Variants in THSD4 observed in about 807,000 individuals in gnomAD.
THSD4 encodes thrombospondin type-1 domain-containing protein 4.
A neutral mutation model predicts 119.0 loss-of-function variants in THSD4; 69 were observed. The ratio of observed to expected loss-of-function variants is 0.58; its 90% CI spans 0.48 to 0.71. THSD4 has a LOEUF of 0.71. Among genes scored for constraint, THSD4 ranks in the 30% least tolerant of loss-of-function variants. THSD4 has a pLI of 0.00. For missense variants in THSD4, 1,393 were observed against 1,391.1 expected, an observed-to-expected ratio of 1.00 and a Z score of -0.02; for synonymous variants, 524 against 540.4, an observed-to-expected ratio of 0.97 and a Z score of 0.42.
chr15:71,735,148 C>G (rs2053057974), intron 10 of THSD4, among the ~76,000 whole-genome samples: 1 of 152,284 alleles, frequency 6.6e-6, no homozygotes, highest in Non-Finnish European at 1.5e-5. Flanking sequence ...GATCTAGAGT[C>G]TTAGACAAGC....
rs558282140 is a variant in THSD4, at chr15:71,482,392, G to A, written c.1152+70569G>A. Among the ~76,000 whole-genome samples the A allele has an allele frequency of 5.8e-4, 88 of 150,686 alleles. 2 individuals carry two copies. The highest frequency in any genetic ancestry group is 1.9e-3 in the African/African-American group (76 of 40,982). On this transcript the variant is annotated intron_variant, in intron 7 of 17. Transcript: ENST00000261862. Reference sequence around the variant, plus strand: ...TGCAAGCTCCGCCTCCTGGGTTCACGCCATTCTCCTGCCTCAGCCTCCCGA... The same window carrying A: ...TGCAAGCTCCGCCTCCTGGGTTCACACCATTCTCCTGCCTCAGCCTCCCGA...
At chr15:71,581,010 T>C (rs2140847431) in intron 7 of THSD4, among the ~76,000 whole-genome samples, 1 of 152,266 alleles carries the variant, frequency 6.6e-6, no homozygotes, top group South Asian at 2.1e-4. Flanking sequence ...TGAATAATGC[T>C]GAAATGAACA....
intron 7 of THSD4, among the ~76,000 whole-genome samples, chr15:71,633,269 C>CTTTTTTTTTTTTTTTTTTTTT (rs67682951): frequency 1.6e-5 from 1 of 63,158 alleles, no homozygotes; most frequent in Non-Finnish European, 3.0e-5. Flanking sequence ...TTCTTTCTTT[C>CTTTTTTTTTTTTTTTTTTTTT]TTTTTTTTTT....
intron 7 of THSD4, among the ~76,000 whole-genome samples, chr15:71,615,015 T>A (rs2050297202): frequency 6.6e-6 from 1 of 152,190 alleles, no homozygotes; most frequent in Non-Finnish European, 1.5e-5. Context: ...ACCCTCTCTA[T>A]CAAACTACTG....
At chr15:71,736,703 T>C (rs1348717934) in intron 10 of THSD4, among the ~76,000 whole-genome samples, 1 of 152,168 alleles carries the variant, frequency 6.6e-6, no homozygotes, top group Non-Finnish European at 1.5e-5. Flanking sequence ...TCTCTCAAAA[T>C]GTGCCCTCCT....
chr15:71,447,201 A>G (rs935218574), intron 7 of THSD4, among the ~76,000 whole-genome samples: 2 of 140,820 alleles, frequency 1.4e-5, no homozygotes, highest in East Asian at 2.2e-4. Context: ...GCTCACTGCA[A>G]TCTCCACCTC....
At chr15:71,291,231 T>C (rs1037811572) in intron 6 of THSD4, among the ~76,000 whole-genome samples, 1 of 152,344 alleles carries the variant, frequency 6.6e-6, no homozygotes, top group African/African-American at 2.4e-5. Context: ...TTCTTTCATA[T>C]GTTATCACAT....
intron 7 of THSD4, among the ~76,000 whole-genome samples, chr15:71,442,826 A>G (rs1483316842): frequency 6.7e-6 from 1 of 149,932 alleles, no homozygotes; most frequent in Non-Finnish European, 1.5e-5. Flanking sequence ...TTCTTCCCTT[A>G]TGTACCCACA....
intron 6 of THSD4, among the ~76,000 whole-genome samples, chr15:71,373,626 G>A (rs1212605733): frequency 1.3e-5 from 2 of 152,242 alleles, no homozygotes; most frequent in East Asian, 1.9e-4. Context: ...AGACAGCTTC[G>A]AATGGTGGTC....
chr15:71,192,808 A>C (rs2043684579), intron 3 of THSD4, among the ~76,000 whole-genome samples: 1 of 152,138 alleles, frequency 6.6e-6, no homozygotes. Flanking sequence ...AATATGAATA[A>C]GGATGTGAGA....
intron 17 of THSD4, among the ~76,000 whole-genome samples, chr15:71,773,861 G>A (rs2053866058): frequency 6.6e-6 from 1 of 152,184 alleles, no homozygotes. Flanking sequence ...TAATCCCAGA[G>A]TGACATGATT....
At chr15:71,648,674 G>T (rs1393233557) in intron 7 of THSD4, among the ~76,000 whole-genome samples, 2 of 152,170 alleles carry the variant, frequency 1.3e-5, no homozygotes, top group African/African-American at 4.8e-5. Flanking sequence ...CACCACTTGA[G>T]AATCATGTGA....
At chr15:71,121,117 C>T (rs1249931157) in intron 1 of THSD4, among the ~76,000 whole-genome samples, 4 of 149,106 alleles carry the variant, frequency 2.7e-5, no homozygotes, top group Non-Finnish European at 5.9e-5. Context: ...CCTGAAATGT[C>T]GCGTCTCTGA....
intron 6 of THSD4, among the ~76,000 whole-genome samples, chr15:71,353,243 G>GT (rs2045766538): frequency 6.6e-6 from 1 of 152,194 alleles, no homozygotes; most frequent in Non-Finnish European, 1.5e-5. Context: ...GAACAGCAGT[G>GT]TGGGATGAGG....
At chr15:71,392,153 C>G (rs944165555) in intron 6 of THSD4, among the ~76,000 whole-genome samples, 10 of 152,198 alleles carry the variant, frequency 6.6e-5, no homozygotes, top group African/African-American at 2.2e-4. Flanking sequence ...GCCTTGAGAC[C>G]ACTGGGGACT....
Position 71,177,793 on chromosome 15 carries a change from G to A in THSD4, c.99+22861G>A, listed in dbSNP as rs1158866009. Among the ~76,000 whole-genome samples, 3 of 146,594 alleles carry A rather than the reference G, an allele frequency of 2.0e-5. No individual in the cohort carries two copies. The South Asian group carries it at 6.9e-4, about 34-fold the overall frequency. ...GCACATCAAAAAGCTTATCCACCAT[G>A]ATCAAGTGGGCTTCATCCCTGGGAT... On this transcript the variant is annotated intron_variant, in intron 3 of 17. Transcript: ENST00000261862.
intron 3 of THSD4, among the ~76,000 whole-genome samples, chr15:71,163,018 G>A (rs111293335): frequency 0.011 from 1,592 of 151,602 alleles, 29 homozygotes; most frequent in African/African-American, 0.035. Flanking sequence ...TTTCTAATTC[G>A]GCTCACGAAT....
chr15:71,413,106 G>T (rs200256528), intron 7 of THSD4, among the ~76,000 whole-genome samples: 3 of 152,152 alleles, frequency 2.0e-5, no homozygotes, highest in Admixed American at 2.0e-4. Flanking sequence ...CTGCCTCCTA[G>T]GTTCAAGGGA....
At position 71,613,547 on chromosome 15, in the gene THSD4, A is replaced by C. The variant is rs62022833; in HGVS notation, c.1153-46983A>C. ...ACATATATAAAATAAGTCACAATCT[A>C]TTAAATTTCTCTTCCTTATCTAGAC... On this transcript the variant is annotated intron_variant, in intron 7 of 17. Coordinates refer to ENST00000261862, the MANE Select transcript of THSD4 (RefSeq NM_024817.3). Among the ~76,000 whole-genome samples, 496 of 152,336 alleles carry C rather than the reference A, an allele frequency of 3.3e-3. 3 individuals are homozygous for C. The highest frequency in any genetic ancestry group is 5.9e-3 in the Non-Finnish European group (404 of 68,026).
Sources: allele counts gnomAD v4.1 joint callset (sites outside exome capture counted in the v4.1 genomes callset), GRCh38; gene constraint gnomAD v4.1.1; transcripts MANE v1.5; gene names NCBI Gene and HGNC (gene_info 2026-07-23, HGNC 2026-07-21).